NCOA6: variants seen among roughly 807,000 people sequenced by gnomAD.
NCOA6 encodes nuclear receptor coactivator 6.
A neutral mutation model predicts 171.4 loss-of-function variants in NCOA6; 49 were observed. The observed-to-expected ratio is 0.29, with a 90% confidence interval of 0.23 to 0.36. NCOA6 has a LOEUF of 0.36. NCOA6 is among the 10% of genes least tolerant of loss of function. The pLI, the probability that NCOA6 is intolerant of heterozygous loss-of-function variation, is 1.00. For synonymous variants in NCOA6, 910 were observed against 927.5 expected (o/e 0.98, Z 0.34); for missense variants, 2,248 against 2,554.5 (o/e 0.88, Z 2.59).
Position 34,742,342 on chromosome 20 carries a change from A to G in NCOA6, c.3914T>C (p.Leu1305Ser). Residue 1305 changes from leucine (L) to serine (S), a missense_variant, in exon 11 of 15, where the codon TTA becomes TCA. By Grantham distance (145) the Leu-to-Ser change is moderately radical. Coordinates refer to ENST00000359003, the MANE Select transcript of NCOA6 (RefSeq NM_014071.5). ...TCCAGAATTCACTACCACAGAATCTAATTTGTGAGTTTGTGGGGTAGCAAA... is the reference window on the plus strand; with the variant it reads ...TCCAGAATTCACTACCACAGAATCTGATTTGTGAGTTTGTGGGGTAGCAAA... ...SNFATPQTHK[L>S]DSVVVNSGKQ... The G allele has an allele frequency of 6.2e-7, 1 of 1,614,170 alleles. No individual in the cohort carries two copies. The highest frequency in any genetic ancestry group is 8.5e-7 in the Non-Finnish European group (1 of 1,180,032).
intron 3 of NCOA6, among the ~76,000 whole-genome samples, 156 bp downstream of exon 3, chr20:34,781,965 A>G (rs113306482): frequency 1.3e-5 from 2 of 152,222 alleles, no homozygotes; most frequent in Non-Finnish European, 2.9e-5. Flanking sequence ...GAAAGAAAAC[A>G]TGTATATTTT....
chr20:34,757,152 A>G, intron 7 of NCOA6, 68 bp downstream of exon 7: 2 of 1,450,314 alleles, frequency 1.4e-6, no homozygotes, highest in African/African-American at 1.4e-5. Context: ...TTAACTCTAA[A>G]AACTGAAGTT....
At chr20:34,732,769 T>C in intron 12 of NCOA6, 174 bp from the exon 13 acceptor site, 2 of 542,080 alleles carry the variant, frequency 3.7e-6, no homozygotes, top group Non-Finnish European at 6.6e-6. Context: ...TTGGTTTGTT[T>C]GGGACATAAG....
rs35848122 is a variant in NCOA6 at position 34,751,376 on chromosome 20, CAAAAA to C, written c.1676-862_1676-858del. 3.6e-3 allele frequency among the ~76,000 whole-genome samples: 249 copies of C among 68,238 alleles called. 5 individuals carry two copies. The highest frequency in any genetic ancestry group is 3.8e-3 in the Non-Finnish European group (137 of 35,960). 44.8% of individuals were successfully genotyped at this position (68,238 alleles called of 152,430 possible). ...TGGGCGACAGAGCAAGACTCCGTCT[CAAAAA>C]AAAAAAAAAAAAAAAGAATGTGAAG... is the stretch of plus-strand genomic sequence containing the variant. On this transcript the variant is annotated intron_variant, in intron 8 of 14. Coordinates refer to ENST00000359003, the MANE Select transcript of NCOA6 (RefSeq NM_014071.5).
At chr20:34,778,736 A>G (rs2146143610) in intron 3 of NCOA6, among the ~76,000 whole-genome samples, 1 of 152,116 alleles carries the variant, frequency 6.6e-6, no homozygotes, top group South Asian at 2.1e-4. Flanking sequence ...AGAGATGTTT[A>G]ATTTTACAAG....
chr20:34,815,483 C>G (rs1357597150), intron 1 of NCOA6, among the ~76,000 whole-genome samples: 1 of 151,992 alleles, frequency 6.6e-6, no homozygotes, highest in East Asian at 1.9e-4. Context: ...TAAAACAATA[C>G]TCAGTTTTCC....
chr20:34,785,878 A>T (rs1051403874), intron 2 of NCOA6, among the ~76,000 whole-genome samples: 2 of 44,404 alleles, frequency 4.5e-5, no homozygotes, highest in Non-Finnish European at 9.5e-5. Context: ...ACAGTACTTA[A>T]AAAAAAAAAA....
In NCOA6 at chr20:34,749,765, G is replaced by A. The variant is rs765571882; in HGVS notation, c.2430C>T (p.Asn810=). Residue 810 remains asparagine, a synonymous_variant, in exon 9 of 15, where the codon AAC becomes AAT. Coordinates refer to ENST00000359003, the MANE Select transcript of NCOA6 (RefSeq NM_014071.5). ...QHGDPATTAN[N]DVSLSQMMPD... is the part of the protein sequence containing the mutation. ...GCATCATCTGAGATAAACTGACATC[G>A]TTATTTGCTGTAGTAGCAGGATCAC... 43 of 1,614,092 alleles carry A rather than the reference G, an allele frequency of 2.7e-5. No homozygotes were observed. Among genetic ancestry groups the A allele is most frequent in the Non-Finnish European group, 3.2e-5 (38 of 1,180,034 alleles).
chr20:34,805,085 C>A (rs190071752), intron 1 of NCOA6, among the ~76,000 whole-genome samples: 16 of 151,092 alleles, frequency 1.1e-4, no homozygotes, highest in Non-Finnish European at 8.8e-5. Flanking sequence ...GTCACCCAGG[C>A]TAGAATGCAG....
At chr20:34,824,917 C>G (rs938994132) in intron 1 of NCOA6, among the ~76,000 whole-genome samples, 18 of 152,134 alleles carry the variant, frequency 1.2e-4, no homozygotes, top group Non-Finnish European at 2.5e-4. Flanking sequence ...AAGAACTGCT[C>G]CAGCCCTGAC....
intron 1 of NCOA6, among the ~76,000 whole-genome samples, chr20:34,814,100 G>C (rs1009142735): frequency 2.6e-5 from 4 of 152,176 alleles, no homozygotes; most frequent in African/African-American, 9.7e-5. Context: ...GGAGGCTGAG[G>C]CGGGCAGATC....
At chr20:34,794,482 G>A (rs1200111060) in intron 1 of NCOA6, among the ~76,000 whole-genome samples, 1 of 151,644 alleles carries the variant, frequency 6.6e-6, no homozygotes, top group East Asian at 1.9e-4. Context: ...TTAAATTATA[G>A]AACATCCTTA....
chr20:34,741,183 A>G lies in NCOA6; in HGVS notation c.5073T>C (p.Pro1691=). ...APLTTNSGLM[P]PSVAVVGPLH... The stretch of plus-strand genomic sequence containing the variant: ...AAGGGCCAACAACTGCAACAGAGGG[A>G]GGCATCAGGCCAGAGTTGGTTGTCA... The change falls in exon 11 of 15, where the codon CCT becomes CCC. Residue 1691 remains proline, a synonymous_variant. Transcript: ENST00000359003. The G allele has an allele frequency of 6.2e-7, 1 of 1,614,236 alleles. No individual in the cohort carries two copies. Among genetic ancestry groups the G allele is most frequent in the Non-Finnish European group, 8.5e-7 (1 of 1,180,036 alleles).
At chr20:34,786,240 T>C (rs1202042203) in intron 2 of NCOA6, among the ~76,000 whole-genome samples, 2 of 152,170 alleles carry the variant, frequency 1.3e-5, no homozygotes, top group Non-Finnish European at 2.9e-5. Flanking sequence ...TCTTCTTTAT[T>C]AGACCTGCTA....
At chr20:34,809,549 G>A (rs565476603) in intron 1 of NCOA6, 21 of 398,404 alleles carry the variant, frequency 5.3e-5, no homozygotes, top group Admixed American at 3.1e-4. Context: ...AAGGGCAAGA[G>A]GAAGAAGAGA....
At chr20:34,762,570 G>C (rs1437518562) in intron 5 of NCOA6, among the ~76,000 whole-genome samples, 1 of 151,586 alleles carries the variant, frequency 6.6e-6, no homozygotes. Context: ...TACTAGTTTA[G>C]AAGTTATATA....
At chr20:34,763,550 A>G (rs115036585) in intron 5 of NCOA6, among the ~76,000 whole-genome samples, 4,394 of 152,300 alleles carry the variant, frequency 0.029, 223 homozygotes, top group African/African-American at 0.1. Flanking sequence ...AATTCAGAAT[A>G]TAAGCTCATT....
rs762783251 is a variant in NCOA6 at position 34,743,248 on chromosome 20, T to TGCTGTGGTG, written c.2999_3007dup (p.Pro1000_Gln1002dup). 3 of 1,613,910 alleles carry TGCTGTGGTG rather than the reference T, an allele frequency of 1.9e-6. No individual in the cohort carries two copies. Among genetic ancestry groups the TGCTGTGGTG allele is most frequent in the Non-Finnish European group, 2.5e-6 (3 of 1,179,990 alleles). On this transcript the variant is annotated inframe_insertion, in exon 11 of 15. Coordinates refer to ENST00000359003, the MANE Select transcript of NCOA6 (RefSeq NM_014071.5). ...CTGAGGCAGTTGTGGCTGTGGCTGC[T>TGCTGTGGTG]GCTGTGGTGGCTGTGGTGGGGGTGC...
intron 13 of NCOA6, among the ~76,000 whole-genome samples, chr20:34,729,259 A>T (rs1019997292): frequency 1.3e-5 from 2 of 152,174 alleles, no homozygotes; most frequent in African/African-American, 4.8e-5. Context: ...CCCTATACAC[A>T]TAAATCTGAC....
Sources: gnomAD v4.1 joint callset for allele counts (sites outside exome capture counted in the v4.1 genomes callset) on GRCh38, gnomAD v4.1.1 for gene constraint, MANE v1.5 for transcripts, NCBI Gene and HGNC (gene_info 2026-07-23, HGNC 2026-07-21) for gene names.